RASSF5: variants seen among roughly 807,000 people sequenced by gnomAD.
RASSF5 encodes the protein ras association domain-containing protein 5.
In RASSF5, 25 loss-of-function variants were observed where a neutral mutation model predicts 40.5. The observed-to-expected ratio is 0.62, with a 90% CI of 0.45 to 0.86. RASSF5 has a LOEUF of 0.86. Ranked by LOEUF, RASSF5 falls within the 40% of genes least tolerant of loss-of-function variation. The pLI, the probability that RASSF5 is intolerant of heterozygous loss-of-function variation, is 0.00. For missense variants in RASSF5, 521 were observed against 572.8 expected (o/e 0.91, Z 0.92); for synonymous variants, 246 against 252.4 (o/e 0.97, Z 0.24).
At chr1:206,576,017 ATC>A (rs1668645248) in intron 2 of RASSF5, among the ~76,000 whole-genome samples, 1 of 152,202 alleles carries the variant, frequency 6.6e-6, no homozygotes, top group South Asian at 2.1e-4. Flanking sequence ...ACAGGTATTT[ATC>A]TGACACCTAC....
chr1:206,586,881 A>G lies in RASSF5; in HGVS notation c.1160A>G (p.Glu387Gly). The change falls in exon 6 of 6, where the codon GAG (glutamate) becomes GGG (glycine). Residue 387 changes from glutamate (E) to glycine (G), a missense_variant. This residue lies in a region of RASSF5 where 284 missense variants were observed against 360.8 expected (regional missense o/e 0.79). Coordinates refer to ENST00000579436, the MANE Select transcript of RASSF5 (RefSeq NM_182663.4). ...LQNFLTILEK[E>G]EQDKIQQVQK... Reference sequence around the variant, plus strand: ...AACTTCCTAACAATCCTGGAAAAAGAGGAGCAGGACAAAATCCAACAAGTG... The same window carrying G: ...AACTTCCTAACAATCCTGGAAAAAGGGGAGCAGGACAAAATCCAACAAGTG... The G allele has an allele frequency of 6.2e-7, 1 of 1,614,192 alleles. No individual in the cohort carries two copies. Among genetic ancestry groups the G allele is most frequent in the Non-Finnish European group, 8.5e-7 (1 of 1,180,028 alleles).
Position 206,575,410 on chromosome 1 carries a change from T to G in RASSF5, c.580-7859T>G, listed in dbSNP as rs139228448. ...GGTGAATGGCTTCCGGGGTATTTTT[T>G]GTTTTGTTTTCTTGAGTTGTGTGTG... On this transcript the variant is annotated intron_variant, in intron 2 of 5. Transcript: ENST00000579436. Among the ~76,000 whole-genome samples, 12 of 152,334 alleles carry G rather than the reference T, an allele frequency of 7.9e-5. No individual in the cohort carries two copies. In the East Asian group the frequency reaches 2.1e-3, roughly 27 times the overall value.
chr1:206,571,277 C>A (rs909614492), intron 2 of RASSF5: 2 of 122,066 alleles, frequency 1.6e-5, no homozygotes, highest in Non-Finnish European at 3.5e-5. Context: ...TCTATTTTTT[C>A]ATCAGGTTTT....
At chr1:206,557,035 T>G in intron 2 of RASSF5, 2 of 537,440 alleles carry the variant, frequency 3.7e-6, no homozygotes, top group Non-Finnish European at 4.8e-6. Context: ...CTGCATCCCT[T>G]ATATGACCTG....
intron 2 of RASSF5, among the ~76,000 whole-genome samples, chr1:206,577,443 A>C (rs1428329154): frequency 1.3e-5 from 2 of 152,112 alleles, no homozygotes; most frequent in African/African-American, 2.4e-5. Flanking sequence ...CCATTATCTC[A>C]TTTGATTTTT....
At chr1:206,550,040 T>A (rs765481627) in intron 2 of RASSF5, among the ~76,000 whole-genome samples, 147 of 152,314 alleles carry the variant, frequency 9.7e-4, no homozygotes, top group South Asian at 1.7e-3. Context: ...TTTGTCTCCC[T>A]AGACTCGAGC....
rs575592447 is a variant in RASSF5, at chr1:206,587,560, T to C, written c.*582T>C. On this transcript the variant is annotated 3_prime_UTR_variant, in exon 6 of 6. Transcript: ENST00000579436. ...AGCTACTGGCCCCAGATGCTCAGGGTAAGGAGCACCAAAGCTGAGGCTGGC... is the reference window on the plus strand; with the variant it reads ...AGCTACTGGCCCCAGATGCTCAGGGCAAGGAGCACCAAAGCTGAGGCTGGC... 62 of 159,532 alleles carry C rather than the reference T, an allele frequency of 3.9e-4. No individual in the cohort carries two copies. Among genetic ancestry groups the C allele is most frequent in the Non-Finnish European group, 8.3e-4 (60 of 72,692 alleles). 9.9% of individuals were successfully genotyped at this position (159,532 alleles called of 1,614,324 possible).
intron 2 of RASSF5, among the ~76,000 whole-genome samples, chr1:206,559,697 A>AC (rs2103540837): frequency 6.6e-6 from 1 of 152,256 alleles, no homozygotes; most frequent in South Asian, 2.1e-4. Context: ...CTTTTACTGA[A>AC]CCCCAGAGAG....
At chr1:206,554,261 A>G (rs1032659888) in intron 2 of RASSF5, among the ~76,000 whole-genome samples, 35 of 152,282 alleles carry the variant, frequency 2.3e-4, no homozygotes, top group African/African-American at 8.2e-4. Flanking sequence ...TGCTCAAGAT[A>G]CCATATCAAG....
At chr1:206,521,765 C>G (rs773979059) in intron 1 of RASSF5, among the ~76,000 whole-genome samples, 59 of 152,342 alleles carry the variant, frequency 3.9e-4, no homozygotes, top group Admixed American at 8.5e-4. Flanking sequence ...AGCCCAAATC[C>G]TTTGTCAGCT....
In RASSF5 at chr1:206,584,597, G is replaced by C. The variant is rs1669029632; in HGVS notation, c.901G>C (p.Val301Leu). The change falls in exon 4 of 6, where the codon GTC becomes CTC. Residue 301 changes from valine (V) to leucine (L), a missense_variant. Coordinates refer to ENST00000579436, the MANE Select transcript of RASSF5 (RefSeq NM_182663.4). The surrounding 1 kb of genome is among the most constrained non-coding windows in gnomAD (Gnocchi z 4.9). ...HISSTTTVSE[V>L]IQGLLKKFMV... ...CAGCAGCACCACCACCGTCAGTGAGGTCATCCAGGGGCTGCTCAAGAAGTT... is the reference window on the plus strand; with the variant it reads ...CAGCAGCACCACCACCGTCAGTGAGCTCATCCAGGGGCTGCTCAAGAAGTT... The C allele has an allele frequency of 6.2e-7, 1 of 1,614,214 alleles. No individual in the cohort carries two copies. Among genetic ancestry groups the C allele is most frequent in the Non-Finnish European group, 8.5e-7 (1 of 1,180,038 alleles).
intron 1 of RASSF5, among the ~76,000 whole-genome samples, chr1:206,520,783 A>ACCATGT (rs1666885383): frequency 6.6e-6 from 1 of 152,150 alleles, no homozygotes; most frequent in Non-Finnish European, 1.5e-5. Context: ...TGTGGGGTAA[A>ACCATGT]TTAAATGTCA....
At chr1:206,533,336 C>T (rs545143628) in intron 1 of RASSF5, among the ~76,000 whole-genome samples, 1 of 152,318 alleles carries the variant, frequency 6.6e-6, no homozygotes, top group East Asian at 1.9e-4. Flanking sequence ...ACTGTGATCT[C>T]TGGAGGAGGT....
At position 206,557,274 on chromosome 1, in the gene RASSF5, C is replaced by A. The variant is rs541778274; in HGVS notation, c.579+18981C>A. On this transcript the variant is annotated intron_variant, in intron 2 of 5. Transcript: ENST00000579436. ...CGCTGGCGCCGGGGACACGAAACCGCAGAGCCCGGACGAGTCAGGGAGTGA... is the reference window on the plus strand; with the variant it reads ...CGCTGGCGCCGGGGACACGAAACCGAAGAGCCCGGACGAGTCAGGGAGTGA... The A allele has an allele frequency of 3.4e-6, 4 of 1,168,550 alleles. No individual in the cohort carries two copies. The South Asian group carries it at 1.2e-4, about 35-fold the overall frequency. The allele number at this position is 1,168,550 out of a possible 1,614,324, so 72.4% of individuals were successfully genotyped here. A position where few individuals can be genotyped will look rare whatever the true frequency, so the allele number is the denominator to read the frequency against.
chr1:206,538,130 T>G, intron 1 of RASSF5, 42 bp from the exon 2 acceptor site: 2 of 1,613,002 alleles, frequency 1.2e-6, no homozygotes, highest in East Asian at 2.2e-5. Context: ...TGGGGAGGAA[T>G]CCTGCCTGTC....
chr1:206,582,650 C>T (rs993826671), intron 2 of RASSF5, among the ~76,000 whole-genome samples: 1 of 152,218 alleles, frequency 6.6e-6, no homozygotes, highest in Non-Finnish European at 1.5e-5. Flanking sequence ...CCAGTTCACT[C>T]GTTCATTTGA....
chr1:206,545,438 C>G (rs1667659229), intron 2 of RASSF5, among the ~76,000 whole-genome samples: 1 of 149,944 alleles, frequency 6.7e-6, no homozygotes, highest in Non-Finnish European at 1.5e-5. Context: ...AACTCCTGGG[C>G]TCAAGTGATC....
intron 2 of RASSF5, among the ~76,000 whole-genome samples, chr1:206,570,711 G>A (rs559023384): frequency 6.6e-5 from 10 of 152,144 alleles, no homozygotes; most frequent in African/African-American, 1.4e-4. Context: ...GTTCATCCAC[G>A]TGATAGCATG....
At position 206,549,928 on chromosome 1, in the gene RASSF5, G is replaced by T. The variant is rs114183951; in HGVS notation, c.579+11635G>T. 9.9e-3 allele frequency among the ~76,000 whole-genome samples: 1,501 copies of T among 152,232 alleles called. 18 individuals carry two copies. Among genetic ancestry groups the T allele is most frequent in the South Asian group, 0.063 (302 of 4,814 alleles). On this transcript the variant is annotated intron_variant, in intron 2 of 5. Transcript: ENST00000579436. ...GGTCATTTCTTCCCATGCACACACCGATCAGTAAGCACGCAGGTGAATACT... is the reference window on the plus strand; with the variant it reads ...GGTCATTTCTTCCCATGCACACACCTATCAGTAAGCACGCAGGTGAATACT...
Sources: gnomAD v4.1 joint callset for allele counts (sites outside exome capture counted in the v4.1 genomes callset) on GRCh38, gnomAD v4.1.1 for gene constraint, gnomAD v4.1.1 regional missense constraint, Gnocchi (gnomAD v3.1) non-coding constraint, MANE v1.5 for transcripts, NCBI Gene and HGNC (gene_info 2026-07-23, HGNC 2026-07-21) for gene names.